The following FRMPD4 variants were observed in gnomAD, a reference collection of about 807,000 sequenced individuals.
FRMPD4 encodes FERM and PDZ domain-containing protein 4.
Under a neutral mutation model 94.1 loss-of-function variants are expected in FRMPD4, and 22 were observed. The observed-to-expected ratio is 0.23, with a 90% CI of 0.17 to 0.33. The LOEUF (loss-of-function observed/expected upper bound fraction) is 0.33. FRMPD4 is among the 10% of genes least tolerant of loss of function. The probability of loss-of-function intolerance (pLI) is 1.00; values close to 1 mark genes in which losing one functional copy is unlikely to be tolerated. For missense variants in FRMPD4, 1,111 were observed against 1,339.9 expected, an observed-to-expected ratio of 0.83 and a Z score of 2.67; for synonymous variants, 631 against 548.6, an observed-to-expected ratio of 1.15 and a Z score of -2.10.
At chrX:11,870,853 A>G (rs1339855981) in intron 2 of FRMPD4, among the ~76,000 whole-genome samples, 1 of 112,555 alleles carries the variant, frequency 8.9e-6, no homozygotes, top group Non-Finnish European at 1.9e-5. Flanking sequence ...ATTGGACTAG[A>G]TTAACTTGGA....
intron 1 of FRMPD4, among the ~76,000 whole-genome samples, chrX:12,186,450 C>A (rs2056425757): frequency 9.0e-6 from 1 of 111,399 alleles, no homozygotes; most frequent in East Asian, 2.8e-4. Context: ...TCCCAAAATA[C>A]TCATTGGTGT....
chrX:12,102,036 T>A (rs868634963), intron 3 of FRMPD4, among the ~76,000 whole-genome samples: 1 of 112,139 alleles, frequency 8.9e-6, no homozygotes, highest in Non-Finnish European at 1.9e-5. Context: ...TACATTTCAC[T>A]CTATCATGCC....
intron 1 of FRMPD4, among the ~76,000 whole-genome samples, chrX:12,440,554 G>T (rs933386150): frequency 1.8e-5 from 2 of 111,595 alleles, no homozygotes; most frequent in Non-Finnish European, 3.8e-5. Context: ...GATATTACTT[G>T]CATCTCTCAG....
chrX:12,218,114 A>AT (rs1167345929), intron 1 of FRMPD4, among the ~76,000 whole-genome samples: 1 of 111,679 alleles, frequency 9.0e-6, no homozygotes, highest in Non-Finnish European at 1.9e-5. Flanking sequence ...TAACATCCTT[A>AT]TTTTTTTAAC....
intron 3 of FRMPD4, among the ~76,000 whole-genome samples, chrX:11,952,633 A>G (rs188049876): frequency 2.7e-4 from 30 of 111,865 alleles, no homozygotes; most frequent in East Asian, 8.4e-4. Flanking sequence ...CCTATCTTAA[A>G]GACTCTAAGA....
chrX:12,561,598 A>G (rs2058660508), intron 2 of FRMPD4, among the ~76,000 whole-genome samples: 1 of 112,635 alleles, frequency 8.9e-6, no homozygotes, highest in Non-Finnish European at 1.9e-5. Context: ...AGTTATCATA[A>G]CCATAAACTA....
At chrX:11,935,072 A>ATTTTTTTTTTTTTT (rs753999126) in intron 3 of FRMPD4, among the ~76,000 whole-genome samples, 1 of 40,238 alleles carries the variant, frequency 2.5e-5, no homozygotes, top group Non-Finnish European at 4.4e-5. Context: ...ACTATTGGTG[A>ATTTTTTTTTTTTTT]TTTTTTTTTT....
rs145428406 is a variant in FRMPD4 at position 11,832,465 on chromosome X, A to G, written c.-161+9750A>G. Among the ~76,000 whole-genome samples the G allele has an allele frequency of 7.6e-4, 85 of 111,546 alleles. No homozygotes were observed. The East Asian group carries it at 0.02, about 27-fold the overall frequency. On this transcript the variant is annotated intron_variant, in intron 1 of 18. Transcript: ENST00000640291. ...AGTTGTGCTGCAGAGGAAATAATTCATCTATCAGAATTCATCCATTGGATG... is the reference window on the plus strand; with the variant it reads ...AGTTGTGCTGCAGAGGAAATAATTCGTCTATCAGAATTCATCCATTGGATG...
chrX:12,196,056 T>A (rs1284897509), intron 1 of FRMPD4, among the ~76,000 whole-genome samples: 1 of 112,235 alleles, frequency 8.9e-6, no homozygotes, highest in Non-Finnish European at 1.9e-5. Flanking sequence ...TCTGTGGGTA[T>A]AATTTGTAGA....
At chrX:12,546,950 T>C (rs1429922137) in intron 2 of FRMPD4, among the ~76,000 whole-genome samples, 4 of 94,243 alleles carry the variant, frequency 4.2e-5, no homozygotes, top group African/African-American at 1.6e-4. Flanking sequence ...CCAGGAGGCT[T>C]CAGTGAGCTA....
At chrX:12,658,419 C>T (rs1255705345) in intron 4 of FRMPD4, among the ~76,000 whole-genome samples, 1 of 111,881 alleles carries the variant, frequency 8.9e-6, no homozygotes, top group Admixed American at 9.4e-5. Flanking sequence ...GAAGTCTTAT[C>T]CTAGGTGATG....
chrX:12,709,314 C>G (rs2041939493), intron 13 of FRMPD4, among the ~76,000 whole-genome samples: 1 of 111,648 alleles, frequency 9.0e-6, no homozygotes, highest in East Asian at 2.8e-4. Context: ...GTCTTGCTGT[C>G]TTTGTGCCTC....
intron 3 of FRMPD4, among the ~76,000 whole-genome samples, chrX:12,130,872 T>C (rs780134734): frequency 8.9e-6 from 1 of 112,199 alleles, no homozygotes; most frequent in African/African-American, 3.2e-5. Context: ...TATTAAAATA[T>C]GTCTCAGACA....
chrX:12,584,793 T>C (rs768059021), intron 2 of FRMPD4, among the ~76,000 whole-genome samples: 6 of 112,607 alleles, frequency 5.3e-5, no homozygotes, highest in Non-Finnish European at 9.4e-5. Flanking sequence ...TAGTATACCC[T>C]ATATTGCAAA....
At chrX:12,709,025 G>A (rs1254840398) in intron 13 of FRMPD4, 2 of 113,816 alleles carry the variant, frequency 1.8e-5, no homozygotes, top group Non-Finnish European at 3.7e-5. Context: ...ACAGAGAAAG[G>A]TGGATGAAAG....
At chrX:11,998,528 A>G (rs1156364628) in intron 3 of FRMPD4, among the ~76,000 whole-genome samples, 1 of 111,624 alleles carries the variant, frequency 9.0e-6, no homozygotes, top group African/African-American at 3.3e-5. Context: ...AACAAAGTTG[A>G]GAGATCTAGG....
intron 1 of FRMPD4, among the ~76,000 whole-genome samples, chrX:12,255,277 G>T (rs1291069110): frequency 1.8e-5 from 2 of 111,104 alleles, no homozygotes; most frequent in African/African-American, 6.5e-5. Flanking sequence ...CACACACAAG[G>T]TAGAAAAAGG....
chrX:12,064,155 G>A (rs1052905932), intron 3 of FRMPD4, among the ~76,000 whole-genome samples: 3 of 112,550 alleles, frequency 2.7e-5, no homozygotes, highest in Non-Finnish European at 5.6e-5. Context: ...AACTGTATTT[G>A]TGCATCACGG....
chrX:12,477,551 T>G (rs2057619232), intron 1 of FRMPD4, among the ~76,000 whole-genome samples: 1 of 112,634 alleles, frequency 8.9e-6, no homozygotes. Flanking sequence ...ACATCGGTCT[T>G]TTCAGCTGGG....
Sources: allele counts gnomAD v4.1 joint callset (sites outside exome capture counted in the v4.1 genomes callset), GRCh38; gene constraint gnomAD v4.1.1; transcripts MANE v1.5; gene names NCBI Gene and HGNC (gene_info 2026-07-23, HGNC 2026-07-21).